Variants in ATP8B4 observed in about 807,000 individuals in gnomAD.
The protein encoded by ATP8B4 is ATPase phospholipid transporting 8B4 (putative).
ATP8B4 carries 133 observed loss-of-function variants against 145.6 expected under a neutral mutation model. That is an observed-to-expected ratio of 0.91 (90% CI 0.79 to 1.05). The LOEUF (loss-of-function observed/expected upper bound fraction) is 1.05, where lower values mean the gene tolerates loss of function less well. Ranked by LOEUF, ATP8B4 falls within the 50% of genes least tolerant of loss-of-function variation. The pLI is 0.00. For synonymous variants in ATP8B4, 507 were observed against 492.9 expected (o/e 1.03, Z -0.38); for missense variants, 1,458 against 1,425.2 (o/e 1.02, Z -0.37).
At chr15:50,084,923 C>T (rs1386883205) in intron 2 of ATP8B4, among the ~76,000 whole-genome samples, 1 of 152,208 alleles carries the variant, frequency 6.6e-6, no homozygotes, top group Non-Finnish European at 1.5e-5. Context: ...CTCAAGATCC[C>T]TTCACTTAAG....
At chr15:49,874,612 C>G (rs916876781) in intron 25 of ATP8B4, among the ~76,000 whole-genome samples, 1 of 152,094 alleles carries the variant, frequency 6.6e-6, no homozygotes, top group African/African-American at 2.4e-5. Context: ...TACTTTGAGC[C>G]TAAGGTGTGA....
intron 1 of ATP8B4, among the ~76,000 whole-genome samples, chr15:50,131,432 T>C (rs867392970): frequency 2.0e-5 from 3 of 152,328 alleles, no homozygotes; most frequent in Middle Eastern, 6.8e-3. Context: ...AAGTGGAATT[T>C]GAACCTGACA....
chr15:49,996,643 G>A, intron 9 of ATP8B4, 34 bp downstream of exon 9: 1 of 1,498,184 alleles, frequency 6.7e-7, no homozygotes. Flanking sequence ...TTGGGTTTGA[G>A]GTTTTTGTTT....
rs188725768 is a variant in ATP8B4, at chr15:49,858,957, A to G, written c.*1237T>C. On this transcript the variant is annotated 3_prime_UTR_variant, in exon 28 of 28. Transcript: ENST00000284509. ...CAACCAACCACATGAGGTAGGTAGT[A>G]TGTCCTCATTTTACAGAGGAAGAAA... 2.6e-5 allele frequency: 4 copies of G among 152,340 alleles called. No individual in the cohort carries two copies. In the East Asian group the frequency reaches 7.7e-4, roughly 29 times the overall value. The allele number at this position is 152,340 out of a possible 1,614,324, so 9.4% of individuals were successfully genotyped here. A position where few individuals can be genotyped will look rare whatever the true frequency, so the allele number is the denominator to read the frequency against.
At chr15:49,910,558 C>T (rs2039121574) in intron 20 of ATP8B4, among the ~76,000 whole-genome samples, 2 of 152,070 alleles carry the variant, frequency 1.3e-5, no homozygotes, top group South Asian at 4.1e-4. Context: ...GTCAAACTGT[C>T]TAAAGTCAAT....
intron 1 of ATP8B4, among the ~76,000 whole-genome samples, chr15:50,147,921 G>A (rs552253973): frequency 6.6e-5 from 10 of 152,236 alleles, no homozygotes; most frequent in South Asian, 6.2e-4. Flanking sequence ...AAATTGGGGC[G>A]TAAAAGAATA....
At chr15:50,073,978 G>A in intron 3 of ATP8B4, 149 bp downstream of exon 3, 1 of 585,486 alleles carries the variant, frequency 1.7e-6, no homozygotes, top group Admixed American at 3.3e-5. Context: ...ACTAAGATCT[G>A]TATTTATGGA....
chr15:49,936,306 C>G (rs1397661578), intron 14 of ATP8B4, among the ~76,000 whole-genome samples: 1 of 152,092 alleles, frequency 6.6e-6, no homozygotes, highest in Non-Finnish European at 1.5e-5. Flanking sequence ...TTAATTGATT[C>G]TCTTGCTTTG....
intron 6 of ATP8B4, among the ~76,000 whole-genome samples, chr15:50,021,122 A>T (rs1485465895): frequency 1.6e-5 from 1 of 63,996 alleles, no homozygotes; most frequent in Non-Finnish European, 3.3e-5. Flanking sequence ...TGATTATGAT[A>T]GATAGATAGA....
chr15:49,880,350 C>A (rs1020131411), intron 23 of ATP8B4: 2 of 152,178 alleles, frequency 1.3e-5, no homozygotes, highest in African/African-American at 4.8e-5. Flanking sequence ...GCATTCTATA[C>A]TGCAAGTAGG....
intron 9 of ATP8B4, among the ~76,000 whole-genome samples, chr15:49,994,163 T>C (rs995626678): frequency 6.6e-6 from 1 of 152,130 alleles, no homozygotes; most frequent in Non-Finnish European, 1.5e-5. Flanking sequence ...ATTTTCTTAC[T>C]TCAGAAAGGA....
intron 1 of ATP8B4, chr15:50,113,059 C>T (rs1379934393): frequency 6.5e-6 from 1 of 153,056 alleles, no homozygotes; most frequent in East Asian, 1.9e-4. Context: ...GCTGCCCAGC[C>T]CTTCCCCCTT....
intron 6 of ATP8B4, among the ~76,000 whole-genome samples, chr15:50,027,316 T>A (rs1189116176): frequency 6.6e-6 from 1 of 152,168 alleles, no homozygotes; most frequent in Non-Finnish European, 1.5e-5. Flanking sequence ...ATAGTCCATG[T>A]GTCCGTAGCA....
chr15:49,874,420 A>C (rs1340772793), intron 25 of ATP8B4, among the ~76,000 whole-genome samples: 9 of 152,208 alleles, frequency 5.9e-5, no homozygotes, highest in African/African-American at 2.2e-4. Context: ...CAGGAGCAGA[A>C]CAAAAGCCAG....
At chr15:49,935,110 T>C (rs1027699807) in intron 14 of ATP8B4, among the ~76,000 whole-genome samples, 1 of 152,128 alleles carries the variant, frequency 6.6e-6, no homozygotes, top group Non-Finnish European at 1.5e-5. Context: ...CAAAGCTTGT[T>C]AATACCTACA....
chr15:50,138,304 A>C (rs1197754309), intron 1 of ATP8B4, among the ~76,000 whole-genome samples: 1 of 148,280 alleles, frequency 6.7e-6, no homozygotes, highest in Non-Finnish European at 1.5e-5. Flanking sequence ...CCAGATAGAT[A>C]CATATATAGA....
chr15:49,956,088 A>G (rs888934408), intron 14 of ATP8B4, among the ~76,000 whole-genome samples: 3 of 152,202 alleles, frequency 2.0e-5, no homozygotes, highest in African/African-American at 7.2e-5. Flanking sequence ...TATGATCCCT[A>G]TTAAGGGATT....
At chr15:49,975,936 T>C (rs775181654) in intron 12 of ATP8B4, among the ~76,000 whole-genome samples, 1 of 152,188 alleles carries the variant, frequency 6.6e-6, no homozygotes, top group East Asian at 1.9e-4. Context: ...AGCTTATTTC[T>C]GATCTTAGTG....
chr15:50,179,537 C>T (rs1246981085), intron 1 of ATP8B4, among the ~76,000 whole-genome samples: 1 of 152,172 alleles, frequency 6.6e-6, no homozygotes, highest in Non-Finnish European at 1.5e-5. Context: ...TCCAGGAAGA[C>T]TATTGCTGTG....
Sources: gnomAD v4.1 joint callset for allele counts (sites outside exome capture counted in the v4.1 genomes callset) on GRCh38, gnomAD v4.1.1 for gene constraint, MANE v1.5 for transcripts, NCBI Gene and HGNC (gene_info 2026-07-23, HGNC 2026-07-21) for gene names.